CACNA1C: variants seen among roughly 807,000 people sequenced by gnomAD.
CACNA1C encodes calcium voltage-gated channel subunit alpha1 C, also known as voltage-dependent L-type calcium channel subunit alpha-1C.
Under a neutral mutation model 229.0 loss-of-function variants are expected in CACNA1C, and 30 were observed. That is an observed-to-expected ratio of 0.13 (90% CI 0.10 to 0.18). The LOEUF (loss-of-function observed/expected upper bound fraction) is 0.18, where lower values mean the gene tolerates loss of function less well. Among genes scored for constraint, CACNA1C ranks in the 10% least tolerant of loss-of-function variants. The probability of loss-of-function intolerance (pLI) is 1.00; values close to 1 mark genes in which losing one functional copy is unlikely to be tolerated. For missense variants in CACNA1C, 1,658 were observed against 2,845.0 expected (o/e 0.58, Z 9.49); for synonymous variants, 1,114 against 1,132.5 (o/e 0.98, Z 0.33).
chr12:2,393,406 T>G (rs2239062), intron 3 of CACNA1C, among the ~76,000 whole-genome samples: 68,718 of 152,102 alleles, frequency 0.45, 15,759 homozygotes, highest in African/African-American at 0.5. Flanking sequence ...GTGGCATCCA[T>G]TAGTGAGGCT....
At chr12:2,477,285 A>C (rs1487907011) in intron 5 of CACNA1C, among the ~76,000 whole-genome samples, 1 of 152,226 alleles carries the variant, frequency 6.6e-6, no homozygotes, top group Admixed American at 6.5e-5. Context: ...AGAAGCAGTC[A>C]GGTATGACTT....
At chr12:2,162,962 T>A (rs1262618780) in intron 3 of CACNA1C, among the ~76,000 whole-genome samples, 1 of 152,050 alleles carries the variant, frequency 6.6e-6, no homozygotes, top group East Asian at 1.9e-4. Context: ...GGATATGCCT[T>A]CCCTGATGGA....
At chr12:2,135,654 G>C (rs1369809875) in intron 3 of CACNA1C, among the ~76,000 whole-genome samples, 1 of 143,386 alleles carries the variant, frequency 7.0e-6, no homozygotes, top group East Asian at 2.0e-4. Flanking sequence ...TGAAGAGGCA[G>C]TCTGCCCGTT....
intron 22 of CACNA1C, among the ~76,000 whole-genome samples, chr12:2,603,990 C>G (rs527699209): frequency 6.6e-6 from 1 of 152,274 alleles, no homozygotes; most frequent in African/African-American, 2.4e-5. Flanking sequence ...AGGCCTGTCT[C>G]TAGGTTCTTC....
chr12:2,482,806 C>T lies in CACNA1C; in HGVS notation c.758-3298C>T, dbSNP rs113248828. Among the ~76,000 whole-genome samples, 449 of 152,286 alleles carry T rather than the reference C, an allele frequency of 2.9e-3. 1 individual carries two copies. Among genetic ancestry groups the T allele is most frequent in the African/African-American group, 0.01 (426 of 41,550 alleles). ...GAACCTAAGTCTTTCCCGGACACTT[C>T]GCAGTTGGTCGTAGTTCCATCCTGT... On this transcript the variant is annotated intron_variant, in intron 5 of 46. Coordinates refer to ENST00000399655, the MANE Select transcript of CACNA1C (RefSeq NM_000719.7).
At chr12:2,120,553 A>ACAT in intron 3 of CACNA1C, 123 bp downstream of exon 3, 3 of 724,324 alleles carry the variant, frequency 4.1e-6, no homozygotes, top group Non-Finnish European at 7.6e-6. Context: ...GGAGCCCTGC[A>ACAT]GAGCTCACAT....
At chr12:2,269,522 C>A (rs954588852) in intron 3 of CACNA1C, among the ~76,000 whole-genome samples, 1 of 152,134 alleles carries the variant, frequency 6.6e-6, no homozygotes, top group Non-Finnish European at 1.5e-5. Flanking sequence ...ATTTGAAAAA[C>A]GAGAATGGTG....
At chr12:2,157,643 A>T (rs2095621163) in intron 3 of CACNA1C, among the ~76,000 whole-genome samples, 1 of 152,224 alleles carries the variant, frequency 6.6e-6, no homozygotes, top group Non-Finnish European at 1.5e-5. Context: ...CCTTAGAGCA[A>T]AGCCTAGTGC....
chr12:2,257,506 A>G (rs537387867), intron 3 of CACNA1C, among the ~76,000 whole-genome samples: 4 of 152,316 alleles, frequency 2.6e-5, no homozygotes, highest in South Asian at 2.1e-4. Context: ...ACAGTTCACA[A>G]TAGGGTTTGC....
chr12:2,073,142 A>G (rs962589286), intron 1 of CACNA1C, among the ~76,000 whole-genome samples: 1 of 152,192 alleles, frequency 6.6e-6, no homozygotes, highest in African/African-American at 2.4e-5. Flanking sequence ...TCTGTTTTCC[A>G]TGGAGCTCCA....
rs372094856 is a variant in CACNA1C at position 2,630,055 on chromosome 12, G to A, written c.3829-4242G>A. Among the ~76,000 whole-genome samples, 5 of 152,218 alleles carry A rather than the reference G, an allele frequency of 3.3e-5. No individual in the cohort carries two copies. In the East Asian group the frequency reaches 5.8e-4, roughly 18 times the overall value. On this transcript the variant is annotated intron_variant, in intron 29 of 46. Transcript: ENST00000399655. The surrounding 1 kb of genome is among the most constrained non-coding windows in gnomAD (Gnocchi z 5.4). ...GGGCAAGGCTTCCAGCTGCAAAAAC[G>A]CTTTCCCTTCTGGGCAGCCCGCCCT...
chr12:2,587,211 A>C (rs905351696), intron 18 of CACNA1C, among the ~76,000 whole-genome samples: 3 of 152,258 alleles, frequency 2.0e-5, no homozygotes, highest in Non-Finnish European at 4.4e-5. Context: ...ATTCCAACAA[A>C]AAAAAAATGG....
chr12:2,471,706 G>A (rs571365523), intron 5 of CACNA1C, among the ~76,000 whole-genome samples: 2 of 151,500 alleles, frequency 1.3e-5, no homozygotes, highest in South Asian at 4.2e-4. Context: ...TTTCTGAGAC[G>A]GAGTCTCGCT....
chr12:2,556,785 T>A (rs2044535816), intron 10 of CACNA1C, among the ~76,000 whole-genome samples, 166 bp from the exon 11 acceptor site: 1 of 152,208 alleles, frequency 6.6e-6, no homozygotes, highest in Admixed American at 6.5e-5. Context: ...TTCAAATACA[T>A]AAATAGGGTT....
At chr12:1,999,316 A>G (rs934711922) in intron 1 of CACNA1C, among the ~76,000 whole-genome samples, 4 of 152,254 alleles carry the variant, frequency 2.6e-5, no homozygotes, top group Non-Finnish European at 5.9e-5. Flanking sequence ...GGCACAAATC[A>G]TATCAAGCTA....
chr12:2,682,758 C>A, intron 43 of CACNA1C, 80 bp downstream of exon 43: 1 of 1,428,660 alleles, frequency 7.0e-7, no homozygotes, highest in South Asian at 1.2e-5. Flanking sequence ...CCCTGAGATC[C>A]CTCCTCTGGG....
chr12:2,250,209 G>T (rs1322620834), intron 3 of CACNA1C, among the ~76,000 whole-genome samples: 3 of 152,150 alleles, frequency 2.0e-5, no homozygotes, highest in Non-Finnish European at 2.9e-5. Context: ...CAGTATCTGC[G>T]GAGTTCATTT....
At chr12:2,526,696 C>G (rs185197850) in intron 9 of CACNA1C, among the ~76,000 whole-genome samples, 1 of 152,198 alleles carries the variant, frequency 6.6e-6, no homozygotes, top group Non-Finnish European at 1.5e-5. Flanking sequence ...TAAACACAGC[C>G]CATGAATGAA....
intron 1 of CACNA1C, among the ~76,000 whole-genome samples, chr12:2,057,847 G>A (rs573111761): frequency 1.4e-4 from 22 of 152,316 alleles, no homozygotes; most frequent in African/African-American, 5.1e-4. Flanking sequence ...GTGGAGCATG[G>A]GGTGACCTGA....
Sources: gnomAD v4.1 joint callset for allele counts (sites outside exome capture counted in the v4.1 genomes callset) on GRCh38, gnomAD v4.1.1 for gene constraint, Gnocchi (gnomAD v3.1) non-coding constraint, MANE v1.5 for transcripts, NCBI Gene and HGNC (gene_info 2026-07-23, HGNC 2026-07-21) for gene names.